The following THSD7A variants were observed in gnomAD, a reference collection of about 807,000 sequenced individuals.
THSD7A encodes thrombospondin type-1 domain-containing protein 7A.
Under a neutral mutation model 231.3 loss-of-function variants are expected in THSD7A, and 96 were observed. The observed-to-expected ratio is 0.41, with a 90% CI of 0.35 to 0.49. The LOEUF (loss-of-function observed/expected upper bound fraction) is 0.49. Among genes scored for constraint, THSD7A ranks in the 20% least tolerant of loss-of-function variants. The probability of loss-of-function intolerance (pLI) is 0.05; values close to 1 mark genes in which losing one functional copy is unlikely to be tolerated. For synonymous variants in THSD7A, 940 were observed against 743.3 expected (o/e 1.26, Z -4.30); for missense variants, 2,290 against 2,070.2 (o/e 1.11, Z -2.06).
chr7:11,740,359 C>T (rs879616788), intron 1 of THSD7A, among the ~76,000 whole-genome samples: 5 of 151,994 alleles, frequency 3.3e-5, no homozygotes, highest in Admixed American at 2.0e-4. Context: ...CCTCTATCTA[C>T]ATTGCACAGT....
intron 24 of THSD7A, among the ~76,000 whole-genome samples, chr7:11,380,653 C>A (rs1782475716): frequency 6.6e-6 from 1 of 152,102 alleles, no homozygotes. Flanking sequence ...ACACACAAAG[C>A]AGTATTTTGA....
chr7:11,529,521 T>A (rs1788614419), intron 6 of THSD7A, among the ~76,000 whole-genome samples: 1 of 152,050 alleles, frequency 6.6e-6, no homozygotes, highest in Non-Finnish European at 1.5e-5. Context: ...ATGGGGATGG[T>A]TTCCCCCATG....
intron 3 of THSD7A, among the ~76,000 whole-genome samples, chr7:11,593,050 A>G (rs1357757982): frequency 6.6e-6 from 1 of 152,194 alleles, no homozygotes; most frequent in Non-Finnish European, 1.5e-5. Context: ...ATACATAAAC[A>G]TAGAATTGGT....
intron 6 of THSD7A, among the ~76,000 whole-genome samples, chr7:11,489,304 C>T (rs1786792724): frequency 6.6e-6 from 1 of 152,126 alleles, no homozygotes; most frequent in African/African-American, 2.4e-5. Flanking sequence ...CCAAGAAGGC[C>T]TTGAAATTCA....
At chr7:11,781,111 G>T (rs1169160005) in intron 1 of THSD7A, among the ~76,000 whole-genome samples, 1 of 143,412 alleles carries the variant, frequency 7.0e-6, no homozygotes, top group East Asian at 2.1e-4. Flanking sequence ...TGAGCCAATA[G>T]AAGTATATGC....
At chr7:11,640,739 A>G (rs1045710800) in intron 1 of THSD7A, among the ~76,000 whole-genome samples, 3 of 152,168 alleles carry the variant, frequency 2.0e-5, no homozygotes, top group Admixed American at 1.3e-4. Flanking sequence ...ATAAAAATAT[A>G]ATATTTTATT....
At position 11,831,165 on chromosome 7, in the gene THSD7A, A is replaced by G. The variant is rs573802569; in HGVS notation, c.190+592T>C. On this transcript the variant is annotated intron_variant, in intron 1 of 27. Coordinates refer to ENST00000423059, the MANE Select transcript of THSD7A (RefSeq NM_015204.3). This position sits in a 1 kb window ranked among gnomAD's most constrained non-coding sequence, Gnocchi z 5.0. Reference sequence around the variant, plus strand: ...AGGAAGGAAGAGAAAGTTTGAACCCAGACATCCTAAAAGTTGTACACTTTA... The same window carrying G: ...AGGAAGGAAGAGAAAGTTTGAACCCGGACATCCTAAAAGTTGTACACTTTA... Among the ~76,000 whole-genome samples the G allele has an allele frequency of 6.6e-6, 1 of 152,336 alleles. No individual in the cohort carries two copies. Among genetic ancestry groups the G allele is most frequent in the East Asian group, 1.9e-4 (1 of 5,176 alleles).
Position 11,379,702 on chromosome 7 carries a change from C to G in THSD7A, c.4518G>C (p.Leu1506Phe). 6.3e-7 allele frequency: 1 copy of G among 1,588,734 alleles called. No individual in the cohort carries two copies. Among genetic ancestry groups the G allele is most frequent in the Non-Finnish European group, 8.6e-7 (1 of 1,166,684 alleles). Residue 1506 changes from leucine to phenylalanine, a missense_variant, in exon 25 of 28, where the codon TTG becomes TTC. Coordinates refer to ENST00000423059, the MANE Select transcript of THSD7A (RefSeq NM_015204.3). ...SDGINVTGGC[L>F]VMSQPDADRS... ...TGTCGGCATCAGGCTGGCTCATCAC[C>G]AAGCAGCCCCCTGCGGAACAGAAAA...
intron 2 of THSD7A, among the ~76,000 whole-genome samples, chr7:11,603,850 G>A (rs1780639090): frequency 1.4e-5 from 2 of 144,836 alleles, no homozygotes; most frequent in African/African-American, 2.6e-5. Context: ...GACACAGGAA[G>A]GGGAATATCA....
In THSD7A at chr7:11,734,805, T is replaced by G. The variant is rs138050225; in HGVS notation, c.190+96952A>C. Among the ~76,000 whole-genome samples the G allele has an allele frequency of 4.7e-4, 72 of 152,056 alleles. No individual in the cohort carries two copies. The East Asian group carries it at 7.4e-3, about 16-fold the overall frequency. ...GTGCTTCACCATATTTCCTGAAAAG[T>G]ATGAAAGCTCAGAAAAAGGGAGAAA... On this transcript the variant is annotated intron_variant, in intron 1 of 27. Transcript: ENST00000423059.
chr7:11,463,694 A>G (rs759499502), intron 9 of THSD7A, among the ~76,000 whole-genome samples: 8 of 152,178 alleles, frequency 5.3e-5, no homozygotes, highest in Non-Finnish European at 1.0e-4. Flanking sequence ...TGGGCAGCAG[A>G]GAATTAAAGT....
At chr7:11,418,829 T>C (rs1360397822) in intron 16 of THSD7A, among the ~76,000 whole-genome samples, 2 of 152,210 alleles carry the variant, frequency 1.3e-5, no homozygotes, top group African/African-American at 2.4e-5. Context: ...GTGCATTTTT[T>C]TTTTGTATAC....
In THSD7A at chr7:11,401,821, T is replaced by C; in HGVS notation, c.4385A>G (p.Gln1462Arg). The C allele has an allele frequency of 6.2e-7, 1 of 1,613,670 alleles. No individual in the cohort carries two copies. The highest frequency in any genetic ancestry group is 8.5e-7 in the Non-Finnish European group (1 of 1,179,748). Residue 1462 changes from glutamine (Q) to arginine (R), a missense_variant, in exon 23 of 28, where the codon CAG (glutamine) becomes CGG (arginine). Gln to Arg is a conservative substitution (Grantham distance 43). Coordinates refer to ENST00000423059, the MANE Select transcript of THSD7A (RefSeq NM_015204.3). ...ATAACATGATTTTGTTTCTAACATC[T>C]GCTCTGGGCACAGATGCTGATTCTC... is the stretch of plus-strand genomic sequence containing the variant. ...ELENQHLCPE[Q>R]MLETKSCYDG...
intron 1 of THSD7A, among the ~76,000 whole-genome samples, chr7:11,655,155 G>A (rs1359044777): frequency 1.3e-5 from 2 of 151,826 alleles, no homozygotes; most frequent in African/African-American, 4.8e-5. Flanking sequence ...CTCACAGTGG[G>A]ATTGTATTTC....
chr7:11,754,068 G>C (rs1281258870), intron 1 of THSD7A, among the ~76,000 whole-genome samples: 1 of 151,892 alleles, frequency 6.6e-6, no homozygotes, highest in Non-Finnish European at 1.5e-5. Flanking sequence ...AGAAAGTTTG[G>C]CCTTAATATA....
At chr7:11,579,009 T>A (rs1791042004) in intron 4 of THSD7A, among the ~76,000 whole-genome samples, 1 of 137,816 alleles carries the variant, frequency 7.3e-6, no homozygotes, top group Non-Finnish European at 1.6e-5. Context: ...GTGCATTTTT[T>A]TCTTAAATTA....
At chr7:11,574,737 A>G (rs944751954) in intron 4 of THSD7A, among the ~76,000 whole-genome samples, 1 of 152,068 alleles carries the variant, frequency 6.6e-6, no homozygotes, top group Non-Finnish European at 1.5e-5. Context: ...CGCCCGGCCA[A>G]CAAAAACATT....
At chr7:11,565,190 A>G (rs1279855425) in intron 4 of THSD7A, among the ~76,000 whole-genome samples, 2 of 152,216 alleles carry the variant, frequency 1.3e-5, no homozygotes, top group Admixed American at 6.5e-5. Flanking sequence ...TAAAATAAGC[A>G]GTCTGGAATA....
chr7:11,446,051 A>G lies in THSD7A; in HGVS notation c.3064+10T>C. 2.5e-6 allele frequency: 4 copies of G among 1,612,900 alleles called. No homozygotes were observed. Among genetic ancestry groups the G allele is most frequent in the Non-Finnish European group, 3.4e-6 (4 of 1,179,186 alleles). On this transcript the variant is annotated intron_variant, in intron 13 of 27. Transcript: ENST00000423059. This position sits in a 1 kb window ranked among gnomAD's most constrained non-coding sequence, Gnocchi z 4.0. ...AGATAGCAAATATGTAACAATGAAG[A>G]TTGAATTACCATGGCTGTTACATCT...
Sources: allele counts gnomAD v4.1 joint callset (sites outside exome capture counted in the v4.1 genomes callset), GRCh38; gene constraint gnomAD v4.1.1; non-coding constraint Gnocchi (gnomAD v3.1); transcripts MANE v1.5; gene names NCBI Gene and HGNC (gene_info 2026-07-23, HGNC 2026-07-21).